SPAG16: variants seen among roughly 807,000 people sequenced by gnomAD.
SPAG16 encodes sperm associated antigen 16.
Under a neutral mutation model 80.4 loss-of-function variants are expected in SPAG16, and 86 were observed. The observed-to-expected ratio is 1.07, with a 90% CI of 0.90 to 1.28. SPAG16 has a LOEUF of 1.28. Ranked by LOEUF, SPAG16 falls within the 50% of genes most tolerant of loss-of-function variation. SPAG16 has a pLI of 0.00. For synonymous variants in SPAG16, 294 were observed against 265.9 expected (o/e 1.11, Z -1.03); for missense variants, 870 against 765.3 (o/e 1.14, Z -1.61).
chr2:213,769,938 AT>A (rs2069150014), intron 10 of SPAG16, among the ~76,000 whole-genome samples: 1 of 152,174 alleles, frequency 6.6e-6, no homozygotes, highest in Non-Finnish European at 1.5e-5. Context: ...CCAGCATCTG[AT>A]TTTTACTACC....
At chr2:213,941,964 C>T (rs1425892227) in intron 12 of SPAG16, among the ~76,000 whole-genome samples, 6 of 152,112 alleles carry the variant, frequency 3.9e-5, no homozygotes, top group Non-Finnish European at 7.4e-5. Context: ...CTTATCTCTC[C>T]AGCTTGTATA....
chr2:213,401,493 A>G (rs1030059400), intron 9 of SPAG16, among the ~76,000 whole-genome samples: 2 of 152,238 alleles, frequency 1.3e-5, no homozygotes, highest in Non-Finnish European at 2.9e-5. Flanking sequence ...TAAAGGATAT[A>G]AACAAGTGTT....
chr2:214,224,429 G>A (rs1287188788), intron 15 of SPAG16, among the ~76,000 whole-genome samples: 2 of 152,114 alleles, frequency 1.3e-5, no homozygotes, highest in African/African-American at 2.4e-5. Flanking sequence ...TCTTCAGTAT[G>A]TGCAAATACT....
intron 10 of SPAG16, among the ~76,000 whole-genome samples, chr2:213,718,968 G>A (rs2066385956): frequency 6.6e-6 from 1 of 152,228 alleles, no homozygotes; most frequent in Admixed American, 6.5e-5. Flanking sequence ...GTCTGGTGGG[G>A]ACGTGGAGTC....
chr2:213,297,666 G>T (rs550152369), intron 3 of SPAG16, among the ~76,000 whole-genome samples: 121 of 152,216 alleles, frequency 7.9e-4, no homozygotes, highest in Non-Finnish European at 1.3e-3. Context: ...TTAGAATTTA[G>T]TGTCATATAC....
chr2:214,374,611 A>G (rs1048344474), intron 15 of SPAG16, among the ~76,000 whole-genome samples: 1 of 152,200 alleles, frequency 6.6e-6, no homozygotes, highest in Non-Finnish European at 1.5e-5. Flanking sequence ...TTTCTCAAAA[A>G]TATGCAAAAT....
At chr2:213,982,299 A>G (rs1364933942) in intron 12 of SPAG16, among the ~76,000 whole-genome samples, 1 of 152,064 alleles carries the variant, frequency 6.6e-6, no homozygotes, top group Non-Finnish European at 1.5e-5. Flanking sequence ...TAAAAAACTC[A>G]CAAAATAGTC....
intron 10 of SPAG16, among the ~76,000 whole-genome samples, chr2:213,530,364 A>C (rs1261456853): frequency 6.6e-6 from 1 of 152,040 alleles, no homozygotes; most frequent in Non-Finnish European, 1.5e-5. Context: ...AGGGAATAGG[A>C]TTTTTTCAGC....
At chr2:213,499,346 A>T (rs773614352) in intron 10 of SPAG16, among the ~76,000 whole-genome samples, 4 of 152,168 alleles carry the variant, frequency 2.6e-5, no homozygotes, top group Non-Finnish European at 5.9e-5. Flanking sequence ...GATCCTATGG[A>T]TTCTAATGAT....
intron 10 of SPAG16, among the ~76,000 whole-genome samples, chr2:213,816,844 T>C (rs2072574425): frequency 6.6e-6 from 1 of 152,086 alleles, no homozygotes; most frequent in Non-Finnish European, 1.5e-5. Context: ...ACAGTGAATG[T>C]AGTTGTCAGT....
intron 10 of SPAG16, among the ~76,000 whole-genome samples, chr2:213,490,791 C>G (rs2074201740): frequency 1.3e-5 from 2 of 151,994 alleles, no homozygotes; most frequent in Non-Finnish European, 2.9e-5. Context: ...TGCATTTGGT[C>G]ATAGAGTCCC....
chr2:213,972,466 C>T (rs1047321640), intron 12 of SPAG16, among the ~76,000 whole-genome samples: 1 of 152,096 alleles, frequency 6.6e-6, no homozygotes, highest in Non-Finnish European at 1.5e-5. Context: ...ATACCTGATG[C>T]AGGAGAAGGT....
chr2:214,175,069 T>C (rs2057023054), intron 15 of SPAG16, among the ~76,000 whole-genome samples: 1 of 151,426 alleles, frequency 6.6e-6, no homozygotes, highest in African/African-American at 2.4e-5. Flanking sequence ...TTATCAGCTA[T>C]AATTCTTGGG....
At chr2:214,407,835 C>T (rs1702082562) in intron 15 of SPAG16, among the ~76,000 whole-genome samples, 1 of 152,076 alleles carries the variant, frequency 6.6e-6, no homozygotes, top group Non-Finnish European at 1.5e-5. Context: ...TCCCTGTTCC[C>T]AGCAAAACTA....
At chr2:214,158,888 A>G (rs1559092714) in intron 15 of SPAG16, among the ~76,000 whole-genome samples, 1 of 152,042 alleles carries the variant, frequency 6.6e-6, no homozygotes, top group Non-Finnish European at 1.5e-5. Flanking sequence ...AATCTAGCAC[A>G]TGCCCAAATA....
intron 10 of SPAG16, among the ~76,000 whole-genome samples, chr2:213,738,616 TA>T (rs1423311761): frequency 6.6e-6 from 1 of 152,220 alleles, no homozygotes; most frequent in African/African-American, 2.4e-5. Context: ...CATAAGACAT[TA>T]AAAATTATCA....
intron 6 of SPAG16, among the ~76,000 whole-genome samples, chr2:213,342,341 T>TG (rs2064738157): frequency 1.6e-4 from 1 of 6,422 alleles, no homozygotes; most frequent in Non-Finnish European, 7.6e-4. Context: ...ATATATATAT[T>TG]ACATATATGT....
rs190677601 is a variant in SPAG16 at position 213,285,721 on chromosome 2, G to A, written c.136+1102G>A. Among the ~76,000 whole-genome samples, 80 of 152,264 alleles carry A rather than the reference G, an allele frequency of 5.3e-4. 1 individual carries two copies. Among genetic ancestry groups the A allele is most frequent in the Non-Finnish European group, 9.1e-4 (62 of 68,014 alleles). On this transcript the variant is annotated intron_variant, in intron 1 of 15. Transcript: ENST00000331683. ...GTAGTATTTTATTGGGTGCAAAAAC[G>A]ACTTTTACAGGAATAGAAATTTGAA... is the stretch of plus-strand genomic sequence containing the variant.
rs544717682 is a variant in SPAG16 at position 214,072,537 on chromosome 2, A to G, written c.1528-35659A>G. On this transcript the variant is annotated intron_variant, in intron 13 of 15. Transcript: ENST00000331683. ...ACCATTTAAGAATGACACTAAAGGG[A>G]AATACTAGACTAGGGAATCTGTTTA... is the stretch of plus-strand genomic sequence containing the variant. 5.4e-4 allele frequency among the ~76,000 whole-genome samples: 82 copies of G among 152,280 alleles called. 1 individual carries two copies. Among genetic ancestry groups the G allele is most frequent in the Non-Finnish European group, 1.0e-3 (69 of 67,978 alleles).
Sources: allele counts gnomAD v4.1 joint callset (sites outside exome capture counted in the v4.1 genomes callset), GRCh38; gene constraint gnomAD v4.1.1; transcripts MANE v1.5; gene names NCBI Gene and HGNC (gene_info 2026-07-23, HGNC 2026-07-21).